The following TBX5 variants were observed in gnomAD, a reference collection of about 807,000 sequenced individuals.
TBX5 encodes the protein T-box transcription factor TBX5.
In TBX5, 8 loss-of-function variants were observed where a neutral mutation model predicts 51.1. The ratio of observed to expected loss-of-function variants is 0.16; its 90% CI spans 0.09 to 0.28. TBX5 has a LOEUF of 0.28. Ranked by LOEUF, TBX5 falls within the 10% of genes least tolerant of loss-of-function variation. TBX5 has a pLI of 1.00. For synonymous variants in TBX5, 302 were observed against 266.4 expected (o/e 1.13, Z -1.30); for missense variants, 589 against 671.7 (o/e 0.88, Z 1.36).
chr12:114,398,133 AG>A (rs1284848111), intron 5 of TBX5, among the ~76,000 whole-genome samples: 1 of 152,140 alleles, frequency 6.6e-6, no homozygotes, highest in African/African-American at 2.4e-5. Context: ...GCAAAGGGAG[AG>A]GGTTTGGGCC....
intron 7 of TBX5, among the ~76,000 whole-genome samples, chr12:114,380,748 G>A (rs1434720469): frequency 6.6e-6 from 1 of 152,070 alleles, no homozygotes; most frequent in Non-Finnish European, 1.5e-5. Flanking sequence ...AGGATTGCTG[G>A]AGCTCAGGAG....
At position 114,386,738 on chromosome 12, in the gene TBX5, C is replaced by T. The variant is rs923799513; in HGVS notation, c.664-1171G>A. Among the ~76,000 whole-genome samples, 6 of 152,120 alleles carry T rather than the reference C, an allele frequency of 3.9e-5. No individual in the cohort carries two copies. In the East Asian group the frequency reaches 7.7e-4, roughly 20 times the overall value. On this transcript the variant is annotated intron_variant, in intron 6 of 8. Coordinates refer to ENST00000405440, the MANE Select transcript of TBX5 (RefSeq NM_181486.4). ...TAGACACTTTTAGAGAACTAGTTAACACAAACCAGTACTGAACTGAGACTC... is the reference window on the plus strand; with the variant it reads ...TAGACACTTTTAGAGAACTAGTTAATACAAACCAGTACTGAACTGAGACTC...
chr12:114,358,306 C>T (rs1869031028), intron 8 of TBX5, among the ~76,000 whole-genome samples: 2 of 152,266 alleles, frequency 1.3e-5, no homozygotes, highest in South Asian at 2.1e-4. Flanking sequence ...CCAGTCTATC[C>T]TACCATGAGC....
At chr12:114,386,137 C>G (rs1410069994) in intron 6 of TBX5, among the ~76,000 whole-genome samples, 1 of 152,176 alleles carries the variant, frequency 6.6e-6, no homozygotes, top group Non-Finnish European at 1.5e-5. Context: ...CGCCAATATA[C>G]ATAATGATAA....
rs536455049 is a variant in TBX5 at position 114,381,136 on chromosome 12, G to A, written c.755+4340C>T. The stretch of plus-strand genomic sequence containing the variant: ...CATCATCTGCGTTTTCCAAACACAG[G>A]GAGTTGGGCCAAGAGGTAGATGGGG... On this transcript the variant is annotated intron_variant, in intron 7 of 8. Transcript: ENST00000405440. Among the ~76,000 whole-genome samples, 21 of 152,308 alleles carry A rather than the reference G, an allele frequency of 1.4e-4. No homozygotes were observed. In the South Asian group the frequency reaches 3.9e-3, roughly 29 times the overall value.
chr12:114,366,554 AT>A (rs1173427286), intron 7 of TBX5, among the ~76,000 whole-genome samples, 163 bp from the exon 8 acceptor site: 2 of 152,202 alleles, frequency 1.3e-5, no homozygotes, highest in South Asian at 4.1e-4. Context: ...TGTCCATCAT[AT>A]TTCACAAATG....
chr12:114,369,084 T>G (rs1869716383), intron 7 of TBX5, among the ~76,000 whole-genome samples: 1 of 152,194 alleles, frequency 6.6e-6, no homozygotes, highest in Non-Finnish European at 1.5e-5. Flanking sequence ...TTGCCGACAA[T>G]TCTATTTAGA....
rs141843068 is a variant in TBX5 at position 114,402,991 on chromosome 12, A to ACC, written c.147+759_147+760dup. On this transcript the variant is annotated intron_variant, in intron 2 of 8. Coordinates refer to ENST00000405440, the MANE Select transcript of TBX5 (RefSeq NM_181486.4). Reference sequence around the variant, plus strand: ...TGTGTAAGTGTCTCTTCTGGTCGTCACCCCGTTTCACCCCATGTGACACCT... The same window carrying ACC: ...TGTGTAAGTGTCTCTTCTGGTCGTCACCCCCCGTTTCACCCCATGTGACACCT... 0.01 allele frequency among the ~76,000 whole-genome samples: 1,556 copies of ACC among 152,304 alleles called. 83 individuals are homozygous for ACC. In the East Asian group the frequency reaches 0.17, roughly 17 times the overall value.
intron 5 of TBX5, among the ~76,000 whole-genome samples, chr12:114,397,744 G>T (rs1357156756): frequency 6.6e-6 from 1 of 152,128 alleles, no homozygotes; most frequent in African/African-American, 2.4e-5. Flanking sequence ...GCCTGCTCTG[G>T]GCACAGTGTG....
intron 5 of TBX5, among the ~76,000 whole-genome samples, chr12:114,398,360 A>G (rs1342788355): frequency 6.6e-6 from 1 of 152,092 alleles, no homozygotes. Context: ...AAGAGAAAGG[A>G]ATGAGAGAAT....
At chr12:114,378,992 A>G (rs1870358986) in intron 7 of TBX5, among the ~76,000 whole-genome samples, 1 of 152,148 alleles carries the variant, frequency 6.6e-6, no homozygotes, top group Non-Finnish European at 1.5e-5. Context: ...AAGTCTGAAC[A>G]CCCTGAGTCT....
intron 6 of TBX5, among the ~76,000 whole-genome samples, chr12:114,386,484 A>G (rs1870823142): frequency 6.6e-6 from 1 of 152,224 alleles, no homozygotes; most frequent in Non-Finnish European, 1.5e-5. Flanking sequence ...TCAGTCATTC[A>G]AGGTTTTCTT....
chr12:114,408,165 G>T, upstream of TBX5: 1 of 985,380 alleles, frequency 1.0e-6, no homozygotes, highest in Non-Finnish European at 1.2e-6. Flanking sequence ...GCGGCGGGAG[G>T]TAAATTTCTC....
chr12:114,365,993 CT>C, intron 8 of TBX5, 171 bp downstream of exon 8: 1 of 795,418 alleles, frequency 1.3e-6, no homozygotes, highest in South Asian at 1.5e-5. Flanking sequence ...GTCAAGGGAA[CT>C]TTTTGTTTTA....
At chr12:114,378,460 G>A (rs1870321782) in intron 7 of TBX5, among the ~76,000 whole-genome samples, 1 of 152,172 alleles carries the variant, frequency 6.6e-6, no homozygotes, top group South Asian at 2.1e-4. Flanking sequence ...AACATGGACC[G>A]TGTCTTAACA....
Position 114,391,950 on chromosome 12 carries a change from T to G in TBX5, c.663+2791A>C, listed in dbSNP as rs189573810. Among the ~76,000 whole-genome samples the G allele has an allele frequency of 1.6e-3, 248 of 152,214 alleles. 1 individual carries two copies. Among genetic ancestry groups the G allele is most frequent in the African/African-American group, 5.8e-3 (242 of 41,526 alleles). ...TGGGGGAGGGTAACAGAAAGTTGTC[T>G]CCCATGAAATTTCTCTCCCGGATGT... On this transcript the variant is annotated intron_variant, in intron 6 of 8. Transcript: ENST00000405440.
intron 8 of TBX5, among the ~76,000 whole-genome samples, chr12:114,365,549 T>G (rs925386644): frequency 6.6e-6 from 1 of 151,940 alleles, no homozygotes; most frequent in Admixed American, 6.6e-5. Flanking sequence ...AAAAAAAATT[T>G]TGGGTGTGGT....
At chr12:114,399,303 C>A (rs536955562) in intron 4 of TBX5, among the ~76,000 whole-genome samples, 1 of 152,266 alleles carries the variant, frequency 6.6e-6, no homozygotes, top group East Asian at 1.9e-4. Flanking sequence ...TCTGAGCCTC[C>A]GCTTTCTCAT....
intron 7 of TBX5, among the ~76,000 whole-genome samples, chr12:114,379,423 T>C (rs1870384494): frequency 6.6e-6 from 1 of 152,146 alleles, no homozygotes; most frequent in Non-Finnish European, 1.5e-5. Flanking sequence ...TCCCAATGTG[T>C]TGTTGGGGAA....
Sources: gnomAD v4.1 joint callset for allele counts (sites outside exome capture counted in the v4.1 genomes callset) on GRCh38, gnomAD v4.1.1 for gene constraint, MANE v1.5 for transcripts, NCBI Gene and HGNC (gene_info 2026-07-23, HGNC 2026-07-21) for gene names.